RSPO2: variants seen among roughly 807,000 people sequenced by gnomAD.
RSPO2 encodes R-spondin-2.
In RSPO2, 14 loss-of-function variants were observed where a neutral mutation model predicts 30.9. The observed-to-expected ratio is 0.45, with a 90% confidence interval of 0.30 to 0.71. The LOEUF is 0.71. Among genes scored for constraint, RSPO2 ranks in the 30% least tolerant of loss-of-function variants. The pLI is 0.08. For synonymous variants in RSPO2, 107 were observed against 96.4 expected, an observed-to-expected ratio of 1.11 and a Z score of -0.64; for missense variants, 264 against 301.9, an observed-to-expected ratio of 0.87 and a Z score of 0.93.
At chr8:107,919,224 A>C (rs1178627874) in intron 5 of RSPO2, among the ~76,000 whole-genome samples, 1 of 152,094 alleles carries the variant, frequency 6.6e-6, no homozygotes, top group Non-Finnish European at 1.5e-5. Context: ...TTTAGCCAAC[A>C]TATTAAGATT....
chr8:107,988,922 C>T, intron 3 of RSPO2, 134 bp downstream of exon 3: 2 of 810,268 alleles, frequency 2.5e-6, no homozygotes, highest in Non-Finnish European at 3.7e-6. Flanking sequence ...CCCACCACAC[C>T]CAGCAAGCTT....
intron 3 of RSPO2, among the ~76,000 whole-genome samples, chr8:107,972,050 A>C (rs1011638329): frequency 6.6e-6 from 1 of 152,228 alleles, no homozygotes; most frequent in Admixed American, 6.5e-5. Context: ...CTGTATTCTT[A>C]GATCTCAGCA....
intron 5 of RSPO2, among the ~76,000 whole-genome samples, chr8:107,903,877 A>G (rs1165498600): frequency 6.6e-6 from 1 of 152,090 alleles, no homozygotes; most frequent in African/African-American, 2.4e-5. Context: ...AGACAGGCCT[A>G]AATTAACTGA....
intron 2 of RSPO2, among the ~76,000 whole-genome samples, chr8:108,061,987 T>C (rs1284354102): frequency 3.3e-5 from 5 of 151,714 alleles, no homozygotes; most frequent in Non-Finnish European, 7.4e-5. Flanking sequence ...TTGAAACCAA[T>C]GAGAACAAAG....
intron 5 of RSPO2, among the ~76,000 whole-genome samples, chr8:107,957,391 T>C (rs1813464896): frequency 6.6e-6 from 1 of 152,214 alleles, no homozygotes. Context: ...GACCCACATT[T>C]CAACTTACTG....
At position 107,900,126 on chromosome 8, in the gene RSPO2, G is replaced by T. The variant is rs1324892259; in HGVS notation, c.*949C>A. On this transcript the variant is annotated 3_prime_UTR_variant, in exon 6 of 6. Transcript: ENST00000276659. ...CTGGATATAGTCCCTCATGTTTTCA[G>T]TTGTGTTTCATCAAAGTCATCACAT... 6.6e-6 allele frequency: 1 copy of T among 152,218 alleles called. No individual in the cohort carries two copies. The highest frequency in any genetic ancestry group is 1.9e-4 in the East Asian group (1 of 5,194). The allele number at this position is 152,218 out of a possible 1,614,324, so 9.4% of individuals were successfully genotyped here.
At chr8:107,997,739 T>C (rs1363722383) in intron 2 of RSPO2, among the ~76,000 whole-genome samples, 3 of 152,238 alleles carry the variant, frequency 2.0e-5, no homozygotes, top group Non-Finnish European at 2.9e-5. Context: ...AATTAGTTGA[T>C]TTGTGTTCCC....
chr8:108,025,360 C>T (rs78463709), intron 2 of RSPO2, among the ~76,000 whole-genome samples: 2,577 of 152,260 alleles, frequency 0.017, 67 homozygotes, highest in African/African-American at 0.058. Flanking sequence ...AATGATGGAA[C>T]ATGTCAAACA....
chr8:107,961,013 A>G (rs1813609471), intron 3 of RSPO2, among the ~76,000 whole-genome samples, 196 bp from the exon 4 acceptor site: 1 of 152,156 alleles, frequency 6.6e-6, no homozygotes, highest in Non-Finnish European at 1.5e-5. Flanking sequence ...TTACTACATC[A>G]AGAATCCAAG....
At chr8:107,970,190 C>G (rs997712827) in intron 3 of RSPO2, among the ~76,000 whole-genome samples, 5 of 152,096 alleles carry the variant, frequency 3.3e-5, no homozygotes, top group Admixed American at 2.6e-4. Context: ...CAGCCACAGA[C>G]AATATGTAAA....
chr8:107,913,820 T>C (rs1811895979), intron 5 of RSPO2, among the ~76,000 whole-genome samples: 1 of 152,086 alleles, frequency 6.6e-6, no homozygotes, highest in Non-Finnish European at 1.5e-5. Context: ...CTGTTAAACA[T>C]ACAATATAAA....
At chr8:107,957,047 T>C (rs868354910) in intron 5 of RSPO2, among the ~76,000 whole-genome samples, 2 of 152,166 alleles carry the variant, frequency 1.3e-5, no homozygotes, top group Admixed American at 6.6e-5. Context: ...CTAATAGTTC[T>C]CAAAGGCCGA....
At position 107,960,673 on chromosome 8, in the gene RSPO2, C is replaced by T. The variant is rs1280101356; in HGVS notation, c.427+1G>A. 1.2e-6 allele frequency: 2 copies of T among 1,609,054 alleles called. No individual in the cohort carries two copies. The highest frequency in any genetic ancestry group is 1.7e-6 in the Non-Finnish European group (2 of 1,178,686). On this transcript the variant is annotated splice_donor_variant, in intron 4 of 5. Transcript: ENST00000276659. LOFTEE classifies it high-confidence loss of function. ...TGAGAGTTACATTAAAAACTACTCA[C>T]CCACACATTCCATGGTTTCTTCTAA...
intron 3 of RSPO2, among the ~76,000 whole-genome samples, chr8:107,978,309 C>T (rs142408106): frequency 0.011 from 1,703 of 152,192 alleles, 37 homozygotes; most frequent in African/African-American, 0.038. Flanking sequence ...CATCTGTAAT[C>T]CCAGCTACTT....
intron 5 of RSPO2, among the ~76,000 whole-genome samples, chr8:107,910,111 G>C (rs1811774931): frequency 6.6e-6 from 1 of 152,194 alleles, no homozygotes; most frequent in African/African-American, 2.4e-5. Flanking sequence ...AACCAGAAAA[G>C]AATTAAGTTC....
At chr8:107,943,230 C>A (rs1040588051) in intron 5 of RSPO2, among the ~76,000 whole-genome samples, 1 of 148,090 alleles carries the variant, frequency 6.8e-6, no homozygotes, top group African/African-American at 2.7e-5. Flanking sequence ...CGCGCACACA[C>A]AGACACACAC....
At chr8:108,004,850 C>T (rs1161312357) in intron 2 of RSPO2, among the ~76,000 whole-genome samples, 1 of 152,136 alleles carries the variant, frequency 6.6e-6, no homozygotes, top group African/African-American at 2.4e-5. Context: ...AAAACAAAGA[C>T]ATTGCTTTAC....
intron 2 of RSPO2, among the ~76,000 whole-genome samples, chr8:108,012,037 A>G (rs1436199088): frequency 6.6e-6 from 1 of 152,226 alleles, no homozygotes; most frequent in East Asian, 1.9e-4. Flanking sequence ...AGAGCTGGGA[A>G]GAATACAGAA....
intron 3 of RSPO2, among the ~76,000 whole-genome samples, chr8:107,974,119 G>A (rs191299382): frequency 1.3e-5 from 2 of 152,180 alleles, no homozygotes; most frequent in East Asian, 1.9e-4. Context: ...TTTGAATTCC[G>A]CAGGTCTAAC....
Sources: gnomAD v4.1 joint callset for allele counts (sites outside exome capture counted in the v4.1 genomes callset) on GRCh38, gnomAD v4.1.1 for gene constraint, MANE v1.5 for transcripts, NCBI Gene and HGNC (gene_info 2026-07-23, HGNC 2026-07-21) for gene names.